IL5RA: variants seen among roughly 807,000 people sequenced by gnomAD.
The protein encoded by IL5RA is interleukin-5 receptor subunit alpha.
IL5RA carries 49 observed loss-of-function variants against 50.0 expected under a neutral mutation model. The ratio of observed to expected loss-of-function variants is 0.98; its 90% CI spans 0.78 to 1.24. The LOEUF (loss-of-function observed/expected upper bound fraction) is 1.24. IL5RA is among the 50% of genes most tolerant of loss of function. The pLI is 0.00. For synonymous variants in IL5RA, 202 were observed against 174.0 expected (o/e 1.16, Z -1.26); for missense variants, 600 against 500.4 (o/e 1.20, Z -1.90).
At chr3:3,093,556 C>G (rs1703228161) in intron 8 of IL5RA, among the ~76,000 whole-genome samples, 1 of 152,362 alleles carries the variant, frequency 6.6e-6, no homozygotes, top group East Asian at 1.9e-4. Flanking sequence ...CACGCACACA[C>G]ACGTGCACAC....
At chr3:3,083,557 C>T (rs1702742539) in intron 9 of IL5RA, among the ~76,000 whole-genome samples, 1 of 152,152 alleles carries the variant, frequency 6.6e-6, no homozygotes, top group East Asian at 1.9e-4. Context: ...GTGGGGAATT[C>T]CTCATGGCAG....
chr3:3,094,956 G>A (rs547007762), intron 8 of IL5RA, among the ~76,000 whole-genome samples: 3 of 152,118 alleles, frequency 2.0e-5, no homozygotes, highest in Admixed American at 1.3e-4. Context: ...TGAACTCCTG[G>A]TCTCAGGTGA....
At chr3:3,077,771 C>A (rs956106002) in intron 9 of IL5RA, among the ~76,000 whole-genome samples, 1 of 152,066 alleles carries the variant, frequency 6.6e-6, no homozygotes, top group Non-Finnish European at 1.5e-5. Context: ...CTGTCCCCCA[C>A]CAGCCCCCCT....
intron 3 of IL5RA, among the ~76,000 whole-genome samples, chr3:3,103,608 C>A (rs1703760301): frequency 6.6e-6 from 1 of 152,166 alleles, no homozygotes; most frequent in Non-Finnish European, 1.5e-5. Context: ...GAAAAGGTTT[C>A]TTCCCCCTGC....
chr3:3,088,068 C>T (rs1053693907), intron 9 of IL5RA, among the ~76,000 whole-genome samples: 2 of 151,944 alleles, frequency 1.3e-5, no homozygotes, highest in African/African-American at 2.4e-5. Flanking sequence ...ATAATGGCAA[C>T]GAGGTACACC....
In IL5RA at chr3:3,102,947, T is replaced by G. The variant is rs1194342616; in HGVS notation, c.83-127A>C. 50 of 648,368 alleles carry G rather than the reference T, an allele frequency of 7.7e-5. No individual in the cohort carries two copies. In the South Asian group the frequency reaches 1.1e-3, roughly 15 times the overall value. The allele number at this position is 648,368 out of a possible 1,614,324, so 40.2% of individuals were successfully genotyped here. A position where few individuals can be genotyped will look rare whatever the true frequency, so the allele number is the denominator to read the frequency against. ...GACCTGCCAGCACCACAGACACAGT[T>G]GCTCCTGCGTGCCTGTAACACCGGG... is the stretch of plus-strand genomic sequence containing the variant. On this transcript the variant is annotated intron_variant, in intron 3 of 11. Transcript: ENST00000446632.
At chr3:3,075,127 G>A (rs542543254) in intron 10 of IL5RA, among the ~76,000 whole-genome samples, 4 of 150,476 alleles carry the variant, frequency 2.7e-5, no homozygotes, top group Non-Finnish European at 3.0e-5. Context: ...ATCTGAAAAC[G>A]AACTGTATAT....
rs369528757 is a variant in IL5RA at position 3,097,957 on chromosome 3, G to A, written c.622C>T (p.Arg208Cys). 1.2e-5 allele frequency: 19 copies of A among 1,614,028 alleles called. No homozygotes were observed. Among genetic ancestry groups the A allele is most frequent in the African/African-American group, 1.1e-4 (8 of 74,896 alleles). The stretch of plus-strand genomic sequence containing the variant: ...TTAACAAGCACCGCAAGCCAGTCAC[G>A]CCCTTTGCTGAGGATAAAAGTCCTG... ...FPRTFILSKGRDWLAVLVNGS... is the reference protein window; with the variant it reads ...FPRTFILSKGCDWLAVLVNGS... The change falls in exon 7 of 12, where the codon CGT becomes TGT. Residue 208 changes from arginine (R) to cysteine (C), a missense_variant. Arg to Cys is a radical substitution (Grantham distance 180). Coordinates refer to ENST00000446632, the MANE Select transcript of IL5RA (RefSeq NM_175726.4).
In IL5RA at chr3:3,089,587, G is replaced by A. The variant is rs529976831; in HGVS notation, c.994+2637C>T. ...TTGATGAATACCTCATAGGATTCAT[G>A]AGAGATGGCATCCACATGCTTGATC... On this transcript the variant is annotated intron_variant, in intron 9 of 11. Transcript: ENST00000446632. Among the ~76,000 whole-genome samples, 5 of 152,132 alleles carry A rather than the reference G, an allele frequency of 3.3e-5. No homozygotes were observed. The South Asian group carries it at 1.0e-3, about 32-fold the overall frequency.
chr3:3,085,263 G>A (rs1046853673), intron 9 of IL5RA, among the ~76,000 whole-genome samples: 10 of 152,206 alleles, frequency 6.6e-5, no homozygotes, highest in Admixed American at 3.9e-4. Context: ...GTCAACTCTT[G>A]TTACTTTTAA....
At chr3:3,108,459 G>A (rs1218896485) in intron 2 of IL5RA, 91 bp downstream of exon 2, 3 of 152,204 alleles carry the variant, frequency 2.0e-5, no homozygotes, top group Non-Finnish European at 4.4e-5. Context: ...ATAGAAGAAA[G>A]AGTTTGCTAC....
intron 11 of IL5RA, 112 bp downstream of exon 11, chr3:3,074,670 C>A: frequency 1.6e-6 from 1 of 615,762 alleles, no homozygotes; most frequent in Admixed American, 3.1e-5. Context: ...TGCTCCTGGC[C>A]TTCTGAGTAA....
chr3:3,085,766 C>G (rs1156258635), intron 9 of IL5RA, among the ~76,000 whole-genome samples: 2 of 152,154 alleles, frequency 1.3e-5, no homozygotes, highest in African/African-American at 4.8e-5. Flanking sequence ...AACCCATTTT[C>G]CTTAAGTCCT....
chr3:3,078,845 A>C (rs1485554346), intron 9 of IL5RA, among the ~76,000 whole-genome samples: 2 of 152,184 alleles, frequency 1.3e-5, no homozygotes, highest in African/African-American at 4.8e-5. Flanking sequence ...AAAAAAAAAA[A>C]AAAAAAAATT....
intron 5 of IL5RA, among the ~76,000 whole-genome samples, chr3:3,099,841 T>C (rs530674976): frequency 2.0e-5 from 3 of 152,008 alleles, no homozygotes; most frequent in Middle Eastern, 3.4e-3. Flanking sequence ...AGCTAATTTT[T>C]GTATATTTAG....
chr3:3,083,032 A>C (rs1702721888), intron 9 of IL5RA, among the ~76,000 whole-genome samples: 1 of 152,210 alleles, frequency 6.6e-6, no homozygotes, highest in African/African-American at 2.4e-5. Context: ...GAGAAGTTCA[A>C]ATGGCACCAA....
intron 9 of IL5RA, chr3:3,090,152 TA>T: frequency 1.3e-6 from 2 of 1,553,388 alleles, no homozygotes; most frequent in South Asian, 1.1e-5. Context: ...GCAAAATAAA[TA>T]AAAATTAAAA....
At chr3:3,096,154 T>C (rs1003707667) in intron 7 of IL5RA, among the ~76,000 whole-genome samples, 1 of 151,792 alleles carries the variant, frequency 6.6e-6, no homozygotes, top group Non-Finnish European at 1.5e-5. Flanking sequence ...GGTGGGCGCC[T>C]GTAGTCCCAG....
chr3:3,073,051 A>G (rs1002852222), intron 11 of IL5RA, among the ~76,000 whole-genome samples: 6 of 152,214 alleles, frequency 3.9e-5, no homozygotes, highest in Admixed American at 2.0e-4. Context: ...GAACAAGAGC[A>G]GATGGGCCAT....
Sources: gnomAD v4.1 joint callset for allele counts (sites outside exome capture counted in the v4.1 genomes callset) on GRCh38, gnomAD v4.1.1 for gene constraint, MANE v1.5 for transcripts, NCBI Gene and HGNC (gene_info 2026-07-23, HGNC 2026-07-21) for gene names.